Variants in MCTP2 observed in about 807,000 individuals in gnomAD.
MCTP2 encodes the protein multiple C2 and transmembrane domain containing 2.
Under a neutral mutation model 111.6 loss-of-function variants are expected in MCTP2, and 132 were observed. That is an observed-to-expected ratio of 1.18 (90% CI 1.03 to 1.37). The LOEUF (loss-of-function observed/expected upper bound fraction) is 1.37, where lower values mean the gene tolerates loss of function less well. Among genes scored for constraint, MCTP2 ranks in the 40% most tolerant of loss-of-function variants. MCTP2 has a pLI of 0.00. For synonymous variants in MCTP2, 395 were observed against 387.7 expected, an observed-to-expected ratio of 1.02 and a Z score of -0.22; for missense variants, 1,183 against 1,067.9, an observed-to-expected ratio of 1.11 and a Z score of -1.50.
chr15:94,257,584 T>G (rs1342245386), intron 1 of MCTP2, among the ~76,000 whole-genome samples: 6 of 86,120 alleles, frequency 7.0e-5, no homozygotes, highest in African/African-American at 2.8e-4. Flanking sequence ...TTTTTTTTTT[T>G]TTTTTTTTTT....
chr15:94,433,170 T>C (rs1377490942), intron 17 of MCTP2, among the ~76,000 whole-genome samples: 1 of 152,212 alleles, frequency 6.6e-6, no homozygotes, highest in African/African-American at 2.4e-5. Context: ...CTCTTGAAGG[T>C]ATTTTTATCT....
At chr15:94,474,425 A>G (rs2074181537) in intron 21 of MCTP2, among the ~76,000 whole-genome samples, 1 of 152,176 alleles carries the variant, frequency 6.6e-6, no homozygotes, top group Non-Finnish European at 1.5e-5. Context: ...GGAGGTCTTT[A>G]TTATTCAAAT....
chr15:94,288,913 A>T (rs191065179), intron 1 of MCTP2, among the ~76,000 whole-genome samples: 2 of 152,344 alleles, frequency 1.3e-5, no homozygotes, highest in East Asian at 3.9e-4. Flanking sequence ...TCAATAGCAG[A>T]CTGGGGATGA....
chr15:94,333,858 G>A (rs1317880294), intron 4 of MCTP2, among the ~76,000 whole-genome samples: 1 of 152,098 alleles, frequency 6.6e-6, no homozygotes, highest in African/African-American at 2.4e-5. Context: ...TTTCTTTCTA[G>A]GACAGCTCAG....
In MCTP2 at chr15:94,339,447, C is replaced by G; in HGVS notation, c.780+15C>G. 7.7e-6 allele frequency: 12 copies of G among 1,562,792 alleles called. No individual in the cohort carries two copies. The highest frequency in any genetic ancestry group is 8.6e-6 in the Non-Finnish European group (10 of 1,156,450). On this transcript the variant is annotated intron_variant, in intron 5 of 22. Coordinates refer to ENST00000357742, the MANE Select transcript of MCTP2 (RefSeq NM_001385001.1). ...TACGTGTGAAGGTAATCACAGATAG[C>G]TTTCAAATCTGCTCCTTTATTAAAA... is the stretch of plus-strand genomic sequence containing the variant.
At chr15:94,299,661 G>C (rs570791766) in intron 2 of MCTP2, among the ~76,000 whole-genome samples, 1 of 152,142 alleles carries the variant, frequency 6.6e-6, no homozygotes, top group Non-Finnish European at 1.5e-5. Context: ...AAAGTCTTTC[G>C]TTACTGACAC....
At chr15:94,406,865 T>TG (rs1050367141) in intron 17 of MCTP2, among the ~76,000 whole-genome samples, 2 of 151,574 alleles carry the variant, frequency 1.3e-5, no homozygotes, top group East Asian at 1.9e-4. Context: ...GTTGTTTTTT[T>TG]TTTTTTTTTT....
intron 8 of MCTP2, among the ~76,000 whole-genome samples, chr15:94,346,766 T>C (rs918736668): frequency 2.6e-5 from 4 of 152,060 alleles, no homozygotes; most frequent in Admixed American, 2.6e-4. Context: ...TGTGGAAGAA[T>C]GGCCAAACGA....
chr15:94,358,368 G>A lies in MCTP2; in HGVS notation c.1171-114G>A, dbSNP rs560457738. 4.0e-5 allele frequency: 38 copies of A among 945,478 alleles called. 1 individual carries two copies. The South Asian group carries it at 6.3e-4, about 16-fold the overall frequency. The allele number at this position is 945,478 out of a possible 1,614,324, so 58.6% of individuals were successfully genotyped here. A position where few individuals can be genotyped will look rare whatever the true frequency, so the allele number is the denominator to read the frequency against. On this transcript the variant is annotated intron_variant, in intron 9 of 22. Transcript: ENST00000357742. ...AAAAAAAGAAGTTTACCTTTATAAG[G>A]GGTGAGGTCCATCATCTTGACCCTC... is the stretch of plus-strand genomic sequence containing the variant.
At chr15:94,339,261 T>C (rs1266719780) in intron 4 of MCTP2, 29 bp from the exon 5 acceptor site, 2 of 1,537,000 alleles carry the variant, frequency 1.3e-6, no homozygotes, top group Non-Finnish European at 1.8e-6. Context: ...TATTTTAAAA[T>C]TCTGTCTTGT....
At chr15:94,348,835 C>G (rs573893300) in intron 8 of MCTP2, among the ~76,000 whole-genome samples, 1 of 151,958 alleles carries the variant, frequency 6.6e-6, no homozygotes, top group Admixed American at 6.5e-5. Context: ...TGTTTTCATG[C>G]ATTCTTCACT....
At chr15:94,326,399 T>C (rs1382507237) in intron 4 of MCTP2, among the ~76,000 whole-genome samples, 1 of 152,168 alleles carries the variant, frequency 6.6e-6, no homozygotes, top group Non-Finnish European at 1.5e-5. Flanking sequence ...GCAAGTGAGT[T>C]ATTTATTCAG....
chr15:94,407,775 GCACACACACACACACACACACACACA>G (rs57851445), intron 17 of MCTP2, among the ~76,000 whole-genome samples: 5 of 147,698 alleles, frequency 3.4e-5, no homozygotes, highest in Admixed American at 6.8e-5. Flanking sequence ...ATGTACTTGT[GCACACACACACACACACACACACACA>G]CACACACACA....
At chr15:94,468,583 CAT>C (rs1006271048) in intron 20 of MCTP2, among the ~76,000 whole-genome samples, 1 of 151,934 alleles carries the variant, frequency 6.6e-6, no homozygotes, top group East Asian at 1.9e-4. Flanking sequence ...TTGAAAAAGA[CAT>C]ATATATATAA....
intron 1 of MCTP2, among the ~76,000 whole-genome samples, chr15:94,242,770 C>T (rs1201767667): frequency 3.3e-5 from 5 of 150,906 alleles, no homozygotes; most frequent in Non-Finnish European, 7.4e-5. Flanking sequence ...GGTCAGAAAG[C>T]GAGTATTGCA....
rs116950848 is a variant in MCTP2, at chr15:94,282,425, C to G, written c.-65-15776C>G. ...TGATTCTTTTGTAAAATGATTATGACATCTTTCAGCTCCTGGGCCGTTTTA... is the reference window on the plus strand; with the variant it reads ...TGATTCTTTTGTAAAATGATTATGAGATCTTTCAGCTCCTGGGCCGTTTTA... On this transcript the variant is annotated intron_variant, in intron 1 of 22. Coordinates refer to ENST00000357742, the MANE Select transcript of MCTP2 (RefSeq NM_001385001.1). Among the ~76,000 whole-genome samples the G allele has an allele frequency of 2.1e-3, 326 of 152,254 alleles. 3 individuals are homozygous for G. Among genetic ancestry groups the G allele is most frequent in the Non-Finnish European group, 3.2e-3 (216 of 68,016 alleles).
In MCTP2 at chr15:94,233,209, G is replaced by C. The variant is rs528472886; in HGVS notation, c.-66+1545G>C. ...AGTGAGCACTGTTTTCATTGCACTT[G>C]TGTGGTCAAGCTGTGACCTATCTGT... On this transcript the variant is annotated intron_variant, in intron 1 of 22. Coordinates refer to ENST00000357742, the MANE Select transcript of MCTP2 (RefSeq NM_001385001.1). Among the ~76,000 whole-genome samples, 13 of 152,216 alleles carry C rather than the reference G, an allele frequency of 8.5e-5. No homozygotes were observed. The South Asian group carries it at 2.7e-3, about 32-fold the overall frequency.
rs575331515 is a variant in MCTP2 at position 94,349,676 on chromosome 15, C to T, written c.1005+4512C>T. ...TCTACTAAAAATACAAAAAATTAGC[C>T]GGGCGTGGTGGCATGCGCCTGTAGT... On this transcript the variant is annotated intron_variant, in intron 8 of 22. Coordinates refer to ENST00000357742, the MANE Select transcript of MCTP2 (RefSeq NM_001385001.1). Among the ~76,000 whole-genome samples, 8 of 151,784 alleles carry T rather than the reference C, an allele frequency of 5.3e-5. No individual in the cohort carries two copies. In the South Asian group the frequency reaches 6.3e-4, roughly 12 times the overall value.
Position 94,412,206 on chromosome 15 carries a change from C to T in MCTP2, c.2085+10187C>T, listed in dbSNP as rs555285479. On this transcript the variant is annotated intron_variant, in intron 17 of 22. Coordinates refer to ENST00000357742, the MANE Select transcript of MCTP2 (RefSeq NM_001385001.1). ...TCAGTCCTACACTACTTTTACAATG[C>T]ACGGCTTGTATAGTCATAAACTTTG... Among the ~76,000 whole-genome samples, 59 of 152,208 alleles carry T rather than the reference C, an allele frequency of 3.9e-4. No individual in the cohort carries two copies. In the South Asian group the frequency reaches 0.011, roughly 28 times the overall value.
Sources: allele counts gnomAD v4.1 joint callset (sites outside exome capture counted in the v4.1 genomes callset), GRCh38; gene constraint gnomAD v4.1.1; transcripts MANE v1.5; gene names NCBI Gene and HGNC (gene_info 2026-07-23, HGNC 2026-07-21).